The following BEND7 variants were observed in gnomAD, a reference collection of about 807,000 sequenced individuals.
BEND7 encodes the protein BEN domain containing 7, also known as BEN domain-containing protein 7.
Under a neutral mutation model 50.9 loss-of-function variants are expected in BEND7, and 28 were observed. The ratio of observed to expected loss-of-function variants is 0.55; its 90% CI spans 0.41 to 0.75. The LOEUF is 0.75. Ranked by LOEUF, BEND7 falls within the 30% of genes least tolerant of loss-of-function variation. BEND7 has a pLI of 0.00. For missense variants in BEND7, 477 were observed against 491.3 expected, an observed-to-expected ratio of 0.97 and a Z score of 0.28; for synonymous variants, 170 against 183.9, an observed-to-expected ratio of 0.92 and a Z score of 0.61.
At chr10:13,523,033 T>G (rs2079183668) in intron 2 of BEND7, among the ~76,000 whole-genome samples, 1 of 152,238 alleles carries the variant, frequency 6.6e-6, no homozygotes, top group Non-Finnish European at 1.5e-5. Context: ...GAATTTGTCC[T>G]GTCTCCTCCC....
intron 1 of BEND7, 59 bp from the exon 2 acceptor site, chr10:13,526,280 A>C (rs2079458147): frequency 1.2e-6 from 1 of 815,510 alleles, no homozygotes; most frequent in Non-Finnish European, 1.7e-6. Context: ...AGGAATAAGC[A>C]GTCAAGTCTA....
At chr10:13,455,637 C>T (rs1246388689) in intron 6 of BEND7, among the ~76,000 whole-genome samples, 5 of 152,040 alleles carry the variant, frequency 3.3e-5, no homozygotes, top group Non-Finnish European at 7.4e-5. Flanking sequence ...AGGAGACGGT[C>T]AAAGGCATCA....
At chr10:13,509,503 G>A (rs1266551962) in intron 2 of BEND7, among the ~76,000 whole-genome samples, 4 of 152,098 alleles carry the variant, frequency 2.6e-5, no homozygotes, top group African/African-American at 4.8e-5. Context: ...GCACAGTTAC[G>A]GTGTCCGTGA....
At chr10:13,446,105 T>A (rs1836259567) in intron 8 of BEND7, 1 of 152,250 alleles carries the variant, frequency 6.6e-6, no homozygotes, top group African/African-American at 2.4e-5. Flanking sequence ...GAAATCTCTT[T>A]TATATAATGA....
chr10:13,472,366 AG>A (rs2074949707), intron 6 of BEND7, among the ~76,000 whole-genome samples: 1 of 149,036 alleles, frequency 6.7e-6, no homozygotes, highest in Non-Finnish European at 1.5e-5. Flanking sequence ...TGTTAGACTC[AG>A]GGCCAATACT....
chr10:13,526,153 G>T lies in BEND7; in HGVS notation c.130C>A (p.Gln44Lys), dbSNP rs780483736. 1.6e-6 allele frequency: 2 copies of T among 1,288,464 alleles called. No homozygotes were observed. The highest frequency in any genetic ancestry group is 1.2e-5 in the South Asian group (1 of 80,866). 79.8% of individuals were successfully genotyped at this position (1,288,464 alleles called of 1,614,324 possible). ...NDVNGEAKET[Q>K]PIFLGDESME... is the part of the protein sequence containing the mutation. ...AGGAACCTACCTAAAAAAATGGGCT[G>T]TGTCTCTTTGGCCTCCCCATTAACA... The change falls in exon 2 of 9, where the codon CAG becomes AAG. Residue 44 changes from glutamine to lysine, a missense_variant. Transcript: ENST00000466271.
intron 5 of BEND7, among the ~76,000 whole-genome samples, chr10:13,486,567 G>A (rs1030657838): frequency 4.6e-5 from 7 of 152,142 alleles, no homozygotes; most frequent in Non-Finnish European, 7.4e-5. Flanking sequence ...AAAATGCTCC[G>A]CCAAAAGTCC....
At chr10:13,520,003 G>A (rs77645086) in intron 2 of BEND7, among the ~76,000 whole-genome samples, 2,244 of 152,198 alleles carry the variant, frequency 0.015, 65 homozygotes, top group African/African-American at 0.051. Flanking sequence ...CTGGAAGGGC[G>A]GTTTAGAAAC....
intron 5 of BEND7, among the ~76,000 whole-genome samples, chr10:13,491,141 A>G (rs2076626884): frequency 6.6e-6 from 1 of 151,914 alleles, no homozygotes; most frequent in South Asian, 2.1e-4. Flanking sequence ...TTCCAAGACA[A>G]TCAACAGCTA....
chr10:13,483,301 G>A (rs2075997112), intron 5 of BEND7, among the ~76,000 whole-genome samples: 1 of 152,070 alleles, frequency 6.6e-6, no homozygotes, highest in African/African-American at 2.4e-5. Flanking sequence ...GAGCTACCAG[G>A]CGGAACTGGC....
chr10:13,525,948 T>C (rs2079432749), intron 2 of BEND7, among the ~76,000 whole-genome samples, 190 bp downstream of exon 2: 1 of 152,236 alleles, frequency 6.6e-6, no homozygotes, highest in Non-Finnish European at 1.5e-5. Context: ...AACATTTATG[T>C]CTGAAATTAC....
chr10:13,483,885 A>C (rs2076040323), intron 5 of BEND7, among the ~76,000 whole-genome samples: 1 of 152,104 alleles, frequency 6.6e-6, no homozygotes, highest in Non-Finnish European at 1.5e-5. Flanking sequence ...TTTTAACAGG[A>C]TCTTGAAGGT....
At chr10:13,448,974 A>G (rs76805059) in intron 7 of BEND7, among the ~76,000 whole-genome samples, 41 of 146,842 alleles carry the variant, frequency 2.8e-4, no homozygotes, top group South Asian at 1.1e-3. Context: ...CTCCATCTCA[A>G]AAAAAAAAAA....
At chr10:13,453,304 G>A (rs1564515510) in intron 6 of BEND7, among the ~76,000 whole-genome samples, 2 of 152,154 alleles carry the variant, frequency 1.3e-5, no homozygotes, top group Admixed American at 6.5e-5. Flanking sequence ...GGCCGCACAC[G>A]CAGCGCTGGG....
chr10:13,447,130 T>A (rs1374280155), intron 8 of BEND7, 136 bp downstream of exon 8: 1 of 838,966 alleles, frequency 1.2e-6, no homozygotes, highest in African/African-American at 1.9e-5. Flanking sequence ...GAAGCTCCAA[T>A]GACGGGGCCT....
At chr10:13,474,069 T>G (rs529612407) in intron 6 of BEND7, among the ~76,000 whole-genome samples, 2 of 152,084 alleles carry the variant, frequency 1.3e-5, no homozygotes, top group Non-Finnish European at 2.9e-5. Context: ...TCGATACCCA[T>G]CATCACTGTT....
At chr10:13,522,669 C>A (rs2079163355) in intron 2 of BEND7, among the ~76,000 whole-genome samples, 1 of 152,216 alleles carries the variant, frequency 6.6e-6, no homozygotes, top group Admixed American at 6.5e-5. Context: ...AACATCTCTG[C>A]TTTGCAGAGC....
At chr10:13,480,738 G>C (rs904852745) in intron 6 of BEND7, 161 bp downstream of exon 6, 1 of 985,342 alleles carries the variant, frequency 1.0e-6, no homozygotes, top group South Asian at 4.7e-5. Flanking sequence ...ACTTGGGGTG[G>C]TGAATTACAG....
chr10:13,463,009 A>T (rs1033186862), intron 6 of BEND7, among the ~76,000 whole-genome samples: 1 of 152,230 alleles, frequency 6.6e-6, no homozygotes, highest in Non-Finnish European at 1.5e-5. Context: ...ACCATCCTTG[A>T]TCTACAACAA....
Sources: allele counts gnomAD v4.1 joint callset (sites outside exome capture counted in the v4.1 genomes callset), GRCh38; gene constraint gnomAD v4.1.1; transcripts MANE v1.5; gene names NCBI Gene and HGNC (gene_info 2026-07-23, HGNC 2026-07-21).